Variants in XKR9 observed in about 807,000 individuals in gnomAD.
The protein encoded by XKR9 is XK related 9, also known as XK-related protein 9.
XKR9 carries 32 observed loss-of-function variants against 32.0 expected under a neutral mutation model. That is an observed-to-expected ratio of 1.00 (90% CI 0.76 to 1.34). The LOEUF (loss-of-function observed/expected upper bound fraction) is 1.34. Among genes scored for constraint, XKR9 ranks in the 40% most tolerant of loss-of-function variants. The pLI is 0.00. For missense variants in XKR9, 546 were observed against 429.7 expected, an observed-to-expected ratio of 1.27 and a Z score of -2.39; for synonymous variants, 168 against 143.4, an observed-to-expected ratio of 1.17 and a Z score of -1.22.
intron 2 of XKR9, among the ~76,000 whole-genome samples, chr8:70,769,847 T>C (rs7844868): frequency 0.32 from 48,379 of 151,848 alleles, 9,076 homozygotes; most frequent in Non-Finnish European, 0.43. Context: ...TGTAACCTTT[T>C]ATCAAGGTTC....
chr8:70,739,860 T>TTGGG (rs1806939284), downstream of XKR9, among the ~76,000 whole-genome samples: 1 of 152,212 alleles, frequency 6.6e-6, no homozygotes, highest in Non-Finnish European at 1.5e-5. Context: ...TGGGCTTCCC[T>TTGGG]TTGTGGGTAA....
the XKR9 span, among the ~76,000 whole-genome samples, chr8:70,961,805 T>A: frequency 6.6e-6 from 1 of 152,086 alleles, no homozygotes; most frequent in South Asian, 2.1e-4. Context: ...TTTCCTCTAA[T>A]GTGTGTAGTA....
intron 2 of XKR9, among the ~76,000 whole-genome samples, chr8:70,769,433 A>G (rs530994972): frequency 2.0e-5 from 3 of 151,924 alleles, no homozygotes; most frequent in African/African-American, 7.2e-5. Flanking sequence ...GCTCTTCTTG[A>G]GGAGTATCTT....
In XKR9 at chr8:70,687,654, G is replaced by A. The variant is rs540410395; in HGVS notation, c.272+6324G>A. 2.6e-5 allele frequency among the ~76,000 whole-genome samples: 4 copies of A among 152,274 alleles called. No homozygotes were observed. In the East Asian group the frequency reaches 5.8e-4, roughly 22 times the overall value. On this transcript the variant is annotated intron_variant, in intron 3 of 4. Transcript: ENST00000408926. ...CAAAGTGCTGGGATTACAAGCATGA[G>A]CCACTGTGCCCAGTCCAGTTCAAAA...
At chr8:70,798,253 C>T in the XKR9 span, among the ~76,000 whole-genome samples, 3 of 152,064 alleles carry the variant, frequency 2.0e-5, no homozygotes, top group Non-Finnish European at 2.9e-5. Context: ...TCCATTCTGA[C>T]TGGTGTGAGG....
the XKR9 span, among the ~76,000 whole-genome samples, chr8:70,822,840 A>G: frequency 1.3e-5 from 2 of 152,174 alleles, no homozygotes; most frequent in Admixed American, 1.3e-4. Context: ...AAGAAAATTC[A>G]TAGGTAAAGA....
chr8:70,966,138 G>T, the XKR9 span, among the ~76,000 whole-genome samples: 12 of 152,120 alleles, frequency 7.9e-5, no homozygotes, highest in African/African-American at 2.4e-4. Flanking sequence ...TAGTTTCAAA[G>T]AACTTCTTGA....
chr8:70,933,467 G>A, the XKR9 span, among the ~76,000 whole-genome samples: 8 of 151,554 alleles, frequency 5.3e-5, no homozygotes, highest in South Asian at 2.1e-4. Flanking sequence ...CTGGCATAAC[G>A]TACATAGAAG....
the XKR9 span, among the ~76,000 whole-genome samples, chr8:71,059,287 C>T: frequency 6.6e-6 from 1 of 152,214 alleles, no homozygotes; most frequent in Non-Finnish European, 1.5e-5. Flanking sequence ...AGGCGCCAAA[C>T]CTGCAGTCTC....
At chr8:70,701,241 C>T (rs1432620128) in intron 3 of XKR9, among the ~76,000 whole-genome samples, 1 of 152,190 alleles carries the variant, frequency 6.6e-6, no homozygotes, top group African/African-American at 2.4e-5. Flanking sequence ...GAACACGGTA[C>T]CTCAGACGGA....
chr8:70,794,632 T>C (rs532901741), downstream of XKR9, among the ~76,000 whole-genome samples: 4 of 152,192 alleles, frequency 2.6e-5, no homozygotes, highest in South Asian at 4.1e-4. Context: ...ACTGTCATTC[T>C]ATTAATATGG....
chr8:70,721,185 C>T (rs762210582), intron 4 of XKR9, among the ~76,000 whole-genome samples: 4 of 151,972 alleles, frequency 2.6e-5, no homozygotes, highest in African/African-American at 7.2e-5. Context: ...TTTGATTCTT[C>T]TCTCTTTTCT....
the XKR9 span, among the ~76,000 whole-genome samples, chr8:71,043,778 A>G: frequency 6.6e-6 from 1 of 152,138 alleles, no homozygotes; most frequent in African/African-American, 2.4e-5. Flanking sequence ...TTTGTATCTC[A>G]GTATCAATGT....
intron 2 of XKR9, among the ~76,000 whole-genome samples, chr8:70,752,889 T>C (rs2130187868): frequency 6.6e-6 from 1 of 152,266 alleles, no homozygotes; most frequent in South Asian, 2.1e-4. Context: ...ATTCAAAAGC[T>C]AGCAGAAGGC....
At chr8:70,932,312 T>C in the XKR9 span, among the ~76,000 whole-genome samples, 13 of 151,486 alleles carry the variant, frequency 8.6e-5, no homozygotes, top group African/African-American at 2.9e-4. Flanking sequence ...GGATATGGAG[T>C]AGGGAAAAAT....
the XKR9 span, among the ~76,000 whole-genome samples, chr8:70,802,122 G>C: frequency 6.6e-6 from 1 of 151,704 alleles, no homozygotes; most frequent in Non-Finnish European, 1.5e-5. Context: ...ATTTTTAGTA[G>C]ACACGGGGTT....
chr8:71,045,808 TG>T, the XKR9 span, among the ~76,000 whole-genome samples: 2 of 152,174 alleles, frequency 1.3e-5, no homozygotes, highest in Non-Finnish European at 2.9e-5. Flanking sequence ...GTATGTGCCT[TG>T]GGGCCTGGAT....
the XKR9 span, among the ~76,000 whole-genome samples, chr8:70,917,660 C>A: frequency 6.6e-6 from 1 of 152,186 alleles, no homozygotes; most frequent in Non-Finnish European, 1.5e-5. Context: ...ATCTATTCAG[C>A]TTTCTCCAAA....
chr8:70,920,802 C>A, the XKR9 span, among the ~76,000 whole-genome samples: 1 of 152,000 alleles, frequency 6.6e-6, no homozygotes, highest in Non-Finnish European at 1.5e-5. Flanking sequence ...GTTTCTATGA[C>A]AAGTAATCCA....
Sources: allele counts gnomAD v4.1 joint callset (sites outside exome capture counted in the v4.1 genomes callset), GRCh38; gene constraint gnomAD v4.1.1; transcripts MANE v1.5; gene names NCBI Gene and HGNC (gene_info 2026-07-23, HGNC 2026-07-21).